The following ABCC4 variants were observed in gnomAD, a reference collection of about 807,000 sequenced individuals.
ABCC4 encodes the protein ATP-binding cassette sub-family C member 4.
ABCC4 carries 102 observed loss-of-function variants against 168.5 expected under a neutral mutation model. That is an observed-to-expected ratio of 0.61 (90% CI 0.52 to 0.71). The LOEUF (loss-of-function observed/expected upper bound fraction) is 0.71, where lower values mean the gene tolerates loss of function less well. Among genes scored for constraint, ABCC4 ranks in the 30% least tolerant of loss-of-function variants. The pLI, the probability that ABCC4 is intolerant of heterozygous loss-of-function variation, is 0.00. For synonymous variants in ABCC4, 617 were observed against 590.7 expected, an observed-to-expected ratio of 1.04 and a Z score of -0.65; for missense variants, 1,402 against 1,605.8, an observed-to-expected ratio of 0.87 and a Z score of 2.17.
At chr13:95,029,550 G>A (rs1047846133) in intron 30 of ABCC4, among the ~76,000 whole-genome samples, 1 of 151,946 alleles carries the variant, frequency 6.6e-6, no homozygotes, top group African/African-American at 2.4e-5. Flanking sequence ...AAAGTTTTTT[G>A]CAAAACTATC....
rs116617961 is a variant in ABCC4 at position 95,229,458 on chromosome 13, G to C, written c.531+5152C>G. ...AAAAGTCTGCAAACAGCAGAGAGGA[G>C]CACCAGCAAGCAGGCTCAGGTACTG... On this transcript the variant is annotated intron_variant, in intron 4 of 30. Transcript: ENST00000645237. 4.0e-3 allele frequency among the ~76,000 whole-genome samples: 605 copies of C among 152,254 alleles called. 5 individuals are homozygous for C. Among genetic ancestry groups the C allele is most frequent in the African/African-American group, 0.013 (560 of 41,558 alleles).
intron 8 of ABCC4, among the ~76,000 whole-genome samples, chr13:95,204,546 G>A (rs1049184286): frequency 6.6e-6 from 1 of 152,162 alleles, no homozygotes; most frequent in Non-Finnish European, 1.5e-5. Flanking sequence ...CTGCCACCCT[G>A]TGAAGAAAGT....
At chr13:95,066,506 T>A (rs2033551986) in intron 25 of ABCC4, among the ~76,000 whole-genome samples, 1 of 152,090 alleles carries the variant, frequency 6.6e-6, no homozygotes. Context: ...CCCCAGAGAG[T>A]TAAGCATTTA....
rs1051814668 is a variant in ABCC4 at position 95,025,635 on chromosome 13, G to A, written c.3871-3953C>T. ...TAACTATCTGGTCTAGGAAGAGTTC[G>A]TTTTAGTCATAGGTGAGGAGTAGGA... On this transcript the variant is annotated intron_variant, in intron 30 of 30. Transcript: ENST00000645237. Among the ~76,000 whole-genome samples, 18 of 151,164 alleles carry A rather than the reference G, an allele frequency of 1.2e-4. No homozygotes were observed. The East Asian group carries it at 3.6e-3, about 30-fold the overall frequency.
chr13:95,072,393 G>C (rs1482061459), intron 24 of ABCC4, among the ~76,000 whole-genome samples: 3 of 152,108 alleles, frequency 2.0e-5, no homozygotes, highest in Non-Finnish European at 2.9e-5. Flanking sequence ...CCCGGGAGGC[G>C]GAGGTTGCAG....
chr13:95,172,688 T>G (rs2037520841), intron 13 of ABCC4, among the ~76,000 whole-genome samples: 1 of 151,980 alleles, frequency 6.6e-6, no homozygotes, highest in Non-Finnish European at 1.5e-5. Context: ...CCCAGCACTT[T>G]GGGAGGTTAA....
intron 1 of ABCC4, among the ~76,000 whole-genome samples, chr13:95,290,997 C>CAAAAAAAAA (rs762030761): frequency 8.2e-5 from 3 of 36,428 alleles, no homozygotes; most frequent in African/African-American, 2.3e-4. Context: ...GACCCTGTCT[C>CAAAAAAAAA]AAAAAAAAAA....
Position 95,164,414 on chromosome 13 carries a change from G to C in ABCC4, c.2139C>G (p.Val713=). The part of the protein sequence containing the change: ...NYFRAGAHWI[V]FIFLILLNTA... ...TGTTTAGGAGAATAAGGAAAATGAA[G>C]ACAATCCAGTGAGCACCAGCTCTGA... Residue 713 remains valine (V), a synonymous_variant, in exon 16 of 31, where the codon GTC becomes GTG. Coordinates refer to ENST00000645237, the MANE Select transcript of ABCC4 (RefSeq NM_005845.5). 1 of 1,614,132 alleles carries C rather than the reference G, an allele frequency of 6.2e-7. No homozygotes were observed. The highest frequency in any genetic ancestry group is 1.1e-5 in the South Asian group (1 of 91,080).
intron 1 of ABCC4, among the ~76,000 whole-genome samples, chr13:95,287,022 G>A (rs1476812684): frequency 2.6e-5 from 4 of 151,962 alleles, no homozygotes; most frequent in East Asian, 1.9e-4. Context: ...TCATTGACCG[G>A]GCACGATGGC....
intron 19 of ABCC4, among the ~76,000 whole-genome samples, chr13:95,133,316 G>C (rs2036038568): frequency 6.6e-6 from 1 of 151,894 alleles, no homozygotes; most frequent in Non-Finnish European, 1.5e-5. Context: ...GTTTCACCAT[G>C]TTGGCCAGGC....
At chr13:95,128,444 T>C (rs1159140096) in intron 19 of ABCC4, among the ~76,000 whole-genome samples, 1 of 152,242 alleles carries the variant, frequency 6.6e-6, no homozygotes, top group East Asian at 1.9e-4. Flanking sequence ...CTTAGCAGCC[T>C]GCTCAATTAC....
At chr13:95,243,994 C>T (rs1289189649) in intron 3 of ABCC4, among the ~76,000 whole-genome samples, 2 of 152,068 alleles carry the variant, frequency 1.3e-5, no homozygotes, top group African/African-American at 4.8e-5. Context: ...CCTGACTTTC[C>T]GGCACCAGGA....
chr13:95,091,709 C>G (rs2034440102), intron 20 of ABCC4, among the ~76,000 whole-genome samples: 2 of 152,122 alleles, frequency 1.3e-5, no homozygotes, highest in Middle Eastern at 3.4e-3. Context: ...AAGCATAAAT[C>G]ATACAGGACC....
chr13:95,107,905 C>T (rs1453866026), intron 20 of ABCC4, among the ~76,000 whole-genome samples: 4 of 152,116 alleles, frequency 2.6e-5, no homozygotes, highest in Admixed American at 6.5e-5. Context: ...CACCACTGCA[C>T]TCCAGCCTGG....
chr13:95,026,979 GA>G (rs2031583011), intron 30 of ABCC4, among the ~76,000 whole-genome samples: 2 of 152,122 alleles, frequency 1.3e-5, no homozygotes, highest in Admixed American at 1.3e-4. Flanking sequence ...CAGACAACAC[GA>G]GAAGACCTTA....
At chr13:95,052,292 C>T (rs1405426963) in intron 27 of ABCC4, among the ~76,000 whole-genome samples, 1 of 152,128 alleles carries the variant, frequency 6.6e-6, no homozygotes, top group Non-Finnish European at 1.5e-5. Context: ...TAAATGCTTA[C>T]TTTTTAAAAG....
chr13:95,071,963 G>T, intron 24 of ABCC4, 110 bp from the exon 25 acceptor site: 1 of 843,696 alleles, frequency 1.2e-6, no homozygotes, highest in South Asian at 3.6e-5. Context: ...GTTAAGGAGA[G>T]AAGCAGGAGA....
At chr13:95,241,357 C>T (rs1406238864) in intron 3 of ABCC4, among the ~76,000 whole-genome samples, 10 of 102,466 alleles carry the variant, frequency 9.8e-5, no homozygotes, top group Non-Finnish European at 2.0e-4. Flanking sequence ...GAATGAGACT[C>T]CATCTCAGGA....
chr13:95,023,496 A>T (rs554770451), intron 30 of ABCC4, among the ~76,000 whole-genome samples: 1 of 152,342 alleles, frequency 6.6e-6, no homozygotes, highest in South Asian at 2.1e-4. Context: ...TCTGGGATAG[A>T]CAGGTCCAGT....
Sources: allele counts gnomAD v4.1 joint callset (sites outside exome capture counted in the v4.1 genomes callset), GRCh38; gene constraint gnomAD v4.1.1; transcripts MANE v1.5; gene names NCBI Gene and HGNC (gene_info 2026-07-23, HGNC 2026-07-21).